Variants in ZNF804A observed in about 807,000 individuals in gnomAD.
The protein encoded by ZNF804A is zinc finger protein 804A.
In ZNF804A, 2 loss-of-function variants were observed where a neutral mutation model predicts 16.5. That is an observed-to-expected ratio of 0.12 (90% CI 0.05 to 0.38). ZNF804A has a LOEUF of 0.38. ZNF804A is among the 10% of genes least tolerant of loss of function. The pLI is 0.99. For synonymous variants in ZNF804A, 534 were observed against 489.6 expected (o/e 1.09, Z -1.20); for missense variants, 1,473 against 1,390.7 (o/e 1.06, Z -0.94).
At chr2:184,660,356 AT>A (rs1350729605) in intron 1 of ZNF804A, among the ~76,000 whole-genome samples, 15 of 152,206 alleles carry the variant, frequency 9.9e-5, no homozygotes, top group Non-Finnish European at 7.4e-5. Flanking sequence ...TATAAAAAAA[AT>A]CTCTCTGCCT....
chr2:184,737,264 T>A (rs1476337530), intron 1 of ZNF804A, among the ~76,000 whole-genome samples: 1 of 151,922 alleles, frequency 6.6e-6, no homozygotes, highest in Non-Finnish European at 1.5e-5. Flanking sequence ...GGTTTCACCG[T>A]GGTAGCCAGG....
chr2:184,641,596 G>C (rs1401517258), intron 1 of ZNF804A, among the ~76,000 whole-genome samples: 9 of 152,022 alleles, frequency 5.9e-5, no homozygotes, highest in Non-Finnish European at 1.3e-4. Context: ...AAATTGCACT[G>C]TTTCATTATA....
At chr2:184,729,949 A>G (rs1693485960) in intron 1 of ZNF804A, among the ~76,000 whole-genome samples, 2 of 152,134 alleles carry the variant, frequency 1.3e-5, no homozygotes, top group Non-Finnish European at 2.9e-5. Context: ...CCAAACACTC[A>G]TGGAGTAAAT....
At chr2:184,703,425 G>A (rs922797120) in intron 1 of ZNF804A, among the ~76,000 whole-genome samples, 4 of 151,958 alleles carry the variant, frequency 2.6e-5, no homozygotes, top group South Asian at 2.1e-4. Context: ...AATGCAGGCC[G>A]GGCTTTGTGG....
intron 1 of ZNF804A, among the ~76,000 whole-genome samples, chr2:184,767,636 CTT>C (rs1195493020): frequency 6.6e-6 from 1 of 152,066 alleles, no homozygotes; most frequent in African/African-American, 2.4e-5. Context: ...TCACCACTCA[CTT>C]TATTAAAATG....
At chr2:184,769,193 T>A (rs1694175221) in intron 1 of ZNF804A, among the ~76,000 whole-genome samples, 2 of 152,122 alleles carry the variant, frequency 1.3e-5, no homozygotes, top group South Asian at 4.1e-4. Context: ...AATTGCACAC[T>A]TTCTCTTGGC....
Position 184,810,484 on chromosome 2 carries a change from CT to C in ZNF804A, c.112-55861del, listed in dbSNP as rs1175105602. ...TCTGAAACATTTTTATGTTCTTTTC[CT>C]TTTTTTTTTTTTTTTTTTTTTTTGA... is the stretch of plus-strand genomic sequence containing the variant. On this transcript the variant is annotated intron_variant, in intron 1 of 3. Transcript: ENST00000302277. 9.2e-3 allele frequency among the ~76,000 whole-genome samples: 881 copies of C among 96,012 alleles called. 2 individuals carry two copies. The highest frequency in any genetic ancestry group is 0.016 in the South Asian group (40 of 2,560). The allele number at this position is 96,012 out of a possible 152,430, so 63.0% of individuals were successfully genotyped here.
chr2:184,657,149 A>T (rs985750306), intron 1 of ZNF804A, among the ~76,000 whole-genome samples: 2 of 152,228 alleles, frequency 1.3e-5, no homozygotes, highest in Admixed American at 6.5e-5. Flanking sequence ...CAGTAGCGAC[A>T]TAATGGCTCA....
intron 1 of ZNF804A, among the ~76,000 whole-genome samples, chr2:184,606,700 A>C (rs1691152059): frequency 6.6e-6 from 1 of 152,164 alleles, no homozygotes; most frequent in Admixed American, 6.5e-5. Context: ...TTCTGGAGAA[A>C]AAATTCTACC....
intron 2 of ZNF804A, among the ~76,000 whole-genome samples, chr2:184,912,577 A>G (rs530282495): frequency 8.5e-5 from 13 of 152,198 alleles, no homozygotes; most frequent in Admixed American, 4.6e-4. Flanking sequence ...GCAATTAACT[A>G]GCGTTTCAAT....
intron 1 of ZNF804A, among the ~76,000 whole-genome samples, chr2:184,711,413 T>C (rs1297883812): frequency 6.6e-6 from 1 of 151,720 alleles, no homozygotes; most frequent in African/African-American, 2.4e-5. Context: ...TTGATCCTTT[T>C]TCAGATATAT....
In ZNF804A at chr2:184,722,113, G is replaced by T. The variant is rs181642547; in HGVS notation, c.111+123043G>T. Among the ~76,000 whole-genome samples, 525 of 151,906 alleles carry T rather than the reference G, an allele frequency of 3.5e-3. 1 individual carries two copies. The highest frequency in any genetic ancestry group is 5.2e-3 in the Non-Finnish European group (356 of 67,886). On this transcript the variant is annotated intron_variant, in intron 1 of 3. Coordinates refer to ENST00000302277, the MANE Select transcript of ZNF804A (RefSeq NM_194250.2). The stretch of plus-strand genomic sequence containing the variant: ...TGTGGGTGCGCGTGTGTATGGGTTG[G>T]GGGGGATGAAGAAACATCATTTTGA...
At chr2:184,814,019 T>G (rs1694939706) in intron 1 of ZNF804A, among the ~76,000 whole-genome samples, 1 of 139,772 alleles carries the variant, frequency 7.2e-6, no homozygotes, top group Non-Finnish European at 1.6e-5. Context: ...TTTTTTTTTT[T>G]TTGGCTTGTC....
At chr2:184,884,996 T>C (rs1684862787) in intron 2 of ZNF804A, among the ~76,000 whole-genome samples, 6 of 152,014 alleles carry the variant, frequency 3.9e-5, no homozygotes, top group Admixed American at 3.9e-4. Flanking sequence ...TAAACAAATT[T>C]ATAAGAACAA....
intron 2 of ZNF804A, among the ~76,000 whole-genome samples, chr2:184,909,752 GA>G (rs996797500): frequency 8.3e-4 from 119 of 142,676 alleles, no homozygotes; most frequent in African/African-American, 2.8e-3. Context: ...TCTGAATAAG[GA>G]AAAAAAAAGA....
chr2:184,608,918 G>A (rs932939032), intron 1 of ZNF804A, among the ~76,000 whole-genome samples: 1 of 152,198 alleles, frequency 6.6e-6, no homozygotes, highest in African/African-American at 2.4e-5. Context: ...AGGGTAAATA[G>A]TGTTTTCAGG....
chr2:184,908,484 CCATGTA>C (rs1293281573), intron 2 of ZNF804A, among the ~76,000 whole-genome samples: 3 of 152,130 alleles, frequency 2.0e-5, no homozygotes, highest in African/African-American at 7.2e-5. Context: ...AGTTACTTTG[CCATGTA>C]AGGTAACATG....
chr2:184,744,146 A>G (rs1216532446), intron 1 of ZNF804A, among the ~76,000 whole-genome samples: 1 of 151,936 alleles, frequency 6.6e-6, no homozygotes, highest in African/African-American at 2.4e-5. Flanking sequence ...GTGAGCCTTT[A>G]TGTATCTAGG....
chr2:184,839,929 G>A (rs1033575573), intron 1 of ZNF804A, among the ~76,000 whole-genome samples: 7 of 151,994 alleles, frequency 4.6e-5, no homozygotes, highest in Non-Finnish European at 7.4e-5. Context: ...GACCATAACC[G>A]ACCCCTTCAA....
Sources: gnomAD v4.1 joint callset for allele counts (sites outside exome capture counted in the v4.1 genomes callset) on GRCh38, gnomAD v4.1.1 for gene constraint, MANE v1.5 for transcripts, NCBI Gene and HGNC (gene_info 2026-07-23, HGNC 2026-07-21) for gene names.